AIM2: variants seen among roughly 807,000 people sequenced by gnomAD.
The protein encoded by AIM2 is interferon-inducible protein AIM2.
Under a neutral mutation model 27.7 loss-of-function variants are expected in AIM2, and 30 were observed. The ratio of observed to expected loss-of-function variants is 1.08; its 90% CI spans 0.81 to 1.47. AIM2 has a LOEUF of 1.47. Ranked by LOEUF, AIM2 falls within the 40% of genes most tolerant of loss-of-function variation. AIM2 has a pLI of 0.00. For missense variants in AIM2, 358 were observed against 411.3 expected, an observed-to-expected ratio of 0.87 and a Z score of 1.12; for synonymous variants, 141 against 145.3, an observed-to-expected ratio of 0.97 and a Z score of 0.21.
rs57305983 is a variant in AIM2 at position 159,093,733 on chromosome 1, CAGAG to C, written c.-15-27408_-15-27405del. On this transcript the variant is annotated intron_variant, in intron 1 of 2. Coordinates refer to the AIM2 transcript ENST00000368129. ...ATATATGTATGTGTATATATATATA[CAGAG>C]AGAGAGAGAGAGAGAGAGAGACGGA... 4.3e-3 allele frequency among the ~76,000 whole-genome samples: 620 copies of C among 143,878 alleles called. 6 individuals are homozygous for C. Among genetic ancestry groups the C allele is most frequent in the African/African-American group, 0.014 (556 of 39,024 alleles). 94.4% of individuals were successfully genotyped at this position (143,878 alleles called of 152,430 possible). A position where few individuals can be genotyped will look rare whatever the true frequency, so the allele number is the denominator to read the frequency against.
intron 3 of AIM2, among the ~76,000 whole-genome samples, chr1:159,067,876 C>G (rs1656175906): frequency 6.6e-6 from 1 of 152,064 alleles, no homozygotes; most frequent in African/African-American, 2.4e-5. Flanking sequence ...GTCTGCCACT[C>G]CCTCAGGACT....
intron 1 of AIM2, among the ~76,000 whole-genome samples, chr1:159,115,989 A>G (rs1435159639): frequency 1.3e-5 from 2 of 150,070 alleles, no homozygotes; most frequent in Non-Finnish European, 2.9e-5. Flanking sequence ...TTTACAAGAA[A>G]AAAACAAACA....
chr1:159,093,693 A>AAT lies in AIM2; in HGVS notation c.-15-27366_-15-27365dup, dbSNP rs201248576. Reference sequence around the variant, plus strand: ...TATATAACATTTTATTTATTTAGAAAATATATATATACATATATATGTATG... The same window carrying AAT: ...TATATAACATTTTATTTATTTAGAAAATATATATATATACATATATATGTATG... On this transcript the variant is annotated intron_variant, in intron 1 of 2. Transcript: ENST00000368129. Among the ~76,000 whole-genome samples, 1,455 of 151,098 alleles carry AAT rather than the reference A, an allele frequency of 9.6e-3. 17 individuals are homozygous for AAT. The highest frequency in any genetic ancestry group is 0.06 in the South Asian group (285 of 4,778).
Position 159,076,703 on chromosome 1 carries a change from A to G in AIM2, c.-91T>C, listed in dbSNP as rs1656624556. The G allele has an allele frequency of 6.6e-6, 1 of 152,310 alleles. No homozygotes were observed. Among genetic ancestry groups the G allele is most frequent in the African/African-American group, 2.4e-5 (1 of 41,406 alleles). The allele number at this position is 152,310 out of a possible 1,614,324, so 9.4% of individuals were successfully genotyped here. A position where few individuals can be genotyped will look rare whatever the true frequency, so the allele number is the denominator to read the frequency against. ...TTTCAGAGAGCTTAACTAGCAGAGGACTCAGGAGAGCATGCCCAAATAACC... is the reference window on the plus strand; with the variant it reads ...TTTCAGAGAGCTTAACTAGCAGAGGGCTCAGGAGAGCATGCCCAAATAACC... On this transcript the variant is annotated 5_prime_UTR_variant, in exon 1 of 6. Coordinates refer to ENST00000368130, the MANE Select transcript of AIM2 (RefSeq NM_004833.3).
At chr1:159,126,648 CAAAA>C (rs35354479) in intron 1 of AIM2, among the ~76,000 whole-genome samples, 1 of 113,680 alleles carries the variant, frequency 8.8e-6, no homozygotes, top group Non-Finnish European at 1.7e-5. Flanking sequence ...GACTACGTCT[CAAAA>C]AAAAAAAAAA....
intron 1 of AIM2, among the ~76,000 whole-genome samples, chr1:159,103,127 A>G (rs1298022870): frequency 6.6e-6 from 1 of 152,134 alleles, no homozygotes; most frequent in Non-Finnish European, 1.5e-5. Context: ...TGCTGTTGTC[A>G]TGATAGTGAG....
chr1:159,145,143 G>T (rs1340738489), upstream of AIM2, among the ~76,000 whole-genome samples: 1 of 152,118 alleles, frequency 6.6e-6, no homozygotes, highest in Non-Finnish European at 1.5e-5. Context: ...CTCCCAGGAA[G>T]GCTGGAAAAG....
intron 1 of AIM2, among the ~76,000 whole-genome samples, chr1:159,130,481 T>C (rs978426445): frequency 6.6e-5 from 10 of 152,264 alleles, no homozygotes; most frequent in African/African-American, 1.9e-4. Flanking sequence ...CTACTTCCAC[T>C]ACCTATCCCC....
chr1:159,114,916 T>C (rs1183351797), intron 1 of AIM2, among the ~76,000 whole-genome samples: 2 of 152,128 alleles, frequency 1.3e-5, no homozygotes, highest in South Asian at 2.1e-4. Flanking sequence ...GATGACATGA[T>C]TGTATATCTA....
At chr1:159,109,364 G>T (rs1000887806) in intron 1 of AIM2, among the ~76,000 whole-genome samples, 1 of 152,150 alleles carries the variant, frequency 6.6e-6, no homozygotes, top group Non-Finnish European at 1.5e-5. Flanking sequence ...ACATGTAAGA[G>T]AATGAAACTG....
At chr1:159,055,076 T>G in the AIM2 span, 2 of 406,078 alleles carry the variant, frequency 4.9e-6, no homozygotes, top group Non-Finnish European at 9.0e-6. Flanking sequence ...TAGTTTTTTT[T>G]TAATAAAATG....
intron 1 of AIM2, among the ~76,000 whole-genome samples, chr1:159,075,732 A>G (rs1656581717): frequency 6.6e-6 from 1 of 152,178 alleles, no homozygotes; most frequent in Non-Finnish European, 1.5e-5. Context: ...TGAATGAGCA[A>G]TTTGCTCAAA....
At chr1:159,117,753 T>TGACACACACACACACACAAA (rs1647414704) in intron 1 of AIM2, among the ~76,000 whole-genome samples, 1 of 152,012 alleles carries the variant, frequency 6.6e-6, no homozygotes, top group Non-Finnish European at 1.5e-5. Flanking sequence ...TGAATTTCAC[T>TGACACACACACACACACAAA]GACACACACA....
chr1:159,081,492 C>A, upstream of AIM2: 2 of 519,600 alleles, frequency 3.8e-6, no homozygotes, highest in South Asian at 2.9e-5. Context: ...CAGAGCCCCT[C>A]TGACTGCAGA....
chr1:159,121,627 ACT>A (rs958134681), intron 1 of AIM2, among the ~76,000 whole-genome samples: 1 of 152,098 alleles, frequency 6.6e-6, no homozygotes, highest in African/African-American at 2.4e-5. Flanking sequence ...GGTAGAAACC[ACT>A]CTCTGAGTGT....
At chr1:159,107,267 A>T (rs751619130) in intron 1 of AIM2, among the ~76,000 whole-genome samples, 1 of 151,980 alleles carries the variant, frequency 6.6e-6, no homozygotes, top group Non-Finnish European at 1.5e-5. Flanking sequence ...GTTTTCATTT[A>T]TTCTTTTACT....
intron 1 of AIM2, among the ~76,000 whole-genome samples, chr1:159,084,390 A>G (rs900078347): frequency 2.0e-5 from 3 of 152,096 alleles, no homozygotes; most frequent in African/African-American, 7.2e-5. Flanking sequence ...ACTGGAGAGA[A>G]AGCAACAATC....
upstream of AIM2, among the ~76,000 whole-genome samples, chr1:159,078,508 C>G (rs755957644): frequency 5.9e-5 from 9 of 152,186 alleles, no homozygotes; most frequent in Non-Finnish European, 1.0e-4. Flanking sequence ...AAGAACCCAA[C>G]AAGCACCAAC....
At chr1:159,145,115 C>G (rs1289264761), upstream of AIM2, among the ~76,000 whole-genome samples, 1 of 152,172 alleles carries the variant, frequency 6.6e-6, no homozygotes, top group Non-Finnish European at 1.5e-5. Flanking sequence ...TAGCCCAGGT[C>G]TTTCCTCCTG....
Sources: allele counts gnomAD v4.1 joint callset (sites outside exome capture counted in the v4.1 genomes callset), GRCh38; gene constraint gnomAD v4.1.1; transcripts MANE v1.5; gene names NCBI Gene and HGNC (gene_info 2026-07-23, HGNC 2026-07-21).